POU2AF2: variants seen among roughly 807,000 people sequenced by gnomAD.
POU2AF2 encodes POU class 2 homeobox associating factor 2, also known as POU domain class 2-associating factor 2.
At chr11:111,250,719 G>A in the POU2AF2 span, among the ~76,000 whole-genome samples, 3 of 152,188 alleles carry the variant, frequency 2.0e-5, no homozygotes, top group African/African-American at 7.2e-5. Flanking sequence ...TTTCTGGGGA[G>A]GATGCAACTT....
At chr11:111,269,324 T>G in the POU2AF2 span, among the ~76,000 whole-genome samples, 5 of 152,346 alleles carry the variant, frequency 3.3e-5, no homozygotes, top group Admixed American at 3.3e-4. Flanking sequence ...TAAGCCTTTC[T>G]AAATGGCCTA....
the POU2AF2 span, chr11:111,284,016 C>A: frequency 2.0e-6 from 3 of 1,509,474 alleles, no homozygotes; most frequent in East Asian, 2.3e-5. Flanking sequence ...TCAGCTGCAA[C>A]CGAGGCCTTG....
chr11:111,257,672 C>A, the POU2AF2 span, among the ~76,000 whole-genome samples: 310 of 152,278 alleles, frequency 2.0e-3, 2 homozygotes, highest in African/African-American at 7.0e-3. Flanking sequence ...CCGCGCCCAG[C>A]CGTTATCCTT....
the POU2AF2 span, among the ~76,000 whole-genome samples, chr11:111,250,510 G>C: frequency 6.6e-6 from 1 of 152,166 alleles, no homozygotes; most frequent in Non-Finnish European, 1.5e-5. Flanking sequence ...AGCTTCCTGT[G>C]TTCCAGGCAC....
the POU2AF2 span, among the ~76,000 whole-genome samples, chr11:111,247,206 A>AGAGAGAGAGG: frequency 6.6e-6 from 1 of 151,910 alleles, no homozygotes; most frequent in South Asian, 2.1e-4. Context: ...AGAGAGAGAG[A>AGAGAGAGAGG]GAGAGAGAGA....
the POU2AF2 span, among the ~76,000 whole-genome samples, chr11:111,267,901 C>T: frequency 4.0e-4 from 61 of 152,150 alleles, no homozygotes; most frequent in African/African-American, 1.4e-3. Flanking sequence ...TACCAATGCC[C>T]TCATTTCCTA....
chr11:111,267,040 C>T, the POU2AF2 span, among the ~76,000 whole-genome samples: 1 of 152,186 alleles, frequency 6.6e-6, no homozygotes, highest in Non-Finnish European at 1.5e-5. Context: ...ACACATTTGT[C>T]TCCCCAATCA....
At chr11:111,276,453 A>ATATATATATATATAT in the POU2AF2 span, among the ~76,000 whole-genome samples, 18 of 37,614 alleles carry the variant, frequency 4.8e-4, no homozygotes, top group East Asian at 1.2e-3. Context: ...AAAAAAAAAA[A>ATATATATATATATAT]ATATATATAT....
the POU2AF2 span, among the ~76,000 whole-genome samples, chr11:111,263,455 C>T: frequency 1.9e-5 from 2 of 106,358 alleles, no homozygotes; most frequent in South Asian, 3.6e-4. Flanking sequence ...TTTTTTGAGA[C>T]GGAGTCTTAC....
chr11:111,274,474 A>G, the POU2AF2 span, among the ~76,000 whole-genome samples: 2 of 152,032 alleles, frequency 1.3e-5, no homozygotes, highest in Non-Finnish European at 2.9e-5. Context: ...GAATTTTATT[A>G]TATGTAAATT....
At chr11:111,252,006 AG>A in the POU2AF2 span, among the ~76,000 whole-genome samples, 1 of 152,248 alleles carries the variant, frequency 6.6e-6, no homozygotes, top group African/African-American at 2.4e-5. Flanking sequence ...TATTTCCCCT[AG>A]GCTTTTTGGC....
the POU2AF2 span, among the ~76,000 whole-genome samples, chr11:111,247,191 CAGAGAGAGAG>C: frequency 8.3e-5 from 12 of 144,868 alleles, no homozygotes; most frequent in African/African-American, 2.6e-4. Context: ...TACACACACA[CAGAGAGAGAG>C]AGAGAGAGAG....
chr11:111,283,739 T>G, the POU2AF2 span, among the ~76,000 whole-genome samples: 10 of 152,190 alleles, frequency 6.6e-5, no homozygotes, highest in African/African-American at 2.4e-4. Context: ...AGATGCTTCC[T>G]TGGTTAAAAT....
At chr11:111,260,459 T>C in the POU2AF2 span, among the ~76,000 whole-genome samples, 1 of 152,194 alleles carries the variant, frequency 6.6e-6, no homozygotes, top group East Asian at 1.9e-4. Flanking sequence ...TGGCATTATT[T>C]AGGTGAGTTC....
chr11:111,275,620 G>A, the POU2AF2 span, among the ~76,000 whole-genome samples: 2 of 152,156 alleles, frequency 1.3e-5, no homozygotes. Context: ...CAAGATGTGA[G>A]TTTCAATCAA....
the POU2AF2 span, chr11:111,284,300 G>A: frequency 6.2e-7 from 1 of 1,613,340 alleles, no homozygotes; most frequent in Non-Finnish European, 8.5e-7. Context: ...GCCCAACGCG[G>A]GCTCTCTGTT....
the POU2AF2 span, among the ~76,000 whole-genome samples, chr11:111,280,765 C>A: frequency 6.6e-6 from 1 of 152,002 alleles, no homozygotes; most frequent in Non-Finnish European, 1.5e-5. Context: ...AAAAAGTAAA[C>A]GTTCTCAACT....
At chr11:111,282,196 C>A in the POU2AF2 span, among the ~76,000 whole-genome samples, 1 of 152,078 alleles carries the variant, frequency 6.6e-6, no homozygotes, top group Admixed American at 6.5e-5. Context: ...AGAGCAGAGG[C>A]TTTTTTCTTC....
chr11:111,270,754 G>A, the POU2AF2 span, among the ~76,000 whole-genome samples: 1 of 152,220 alleles, frequency 6.6e-6, no homozygotes, highest in Non-Finnish European at 1.5e-5. Context: ...AAATTGTACA[G>A]CATCCAGGAC....
Sources: gnomAD v4.1 joint callset for allele counts (sites outside exome capture counted in the v4.1 genomes callset) on GRCh38, gnomAD v4.1.1 for gene constraint, MANE v1.5 for transcripts, NCBI Gene and HGNC (gene_info 2026-07-23, HGNC 2026-07-21) for gene names.